Variants in RALGPS1 observed in about 807,000 individuals in gnomAD.
RALGPS1 encodes Ral GEF with PH domain and SH3 binding motif 1, also known as ras-specific guanine nucleotide-releasing factor RalGPS1.
Under a neutral mutation model 78.8 loss-of-function variants are expected in RALGPS1, and 19 were observed. The ratio of observed to expected loss-of-function variants is 0.24; its 90% CI spans 0.17 to 0.35. The LOEUF (loss-of-function observed/expected upper bound fraction) is 0.35, where lower values mean the gene tolerates loss of function less well. RALGPS1 is among the 10% of genes least tolerant of loss of function. The pLI is 1.00. For synonymous variants in RALGPS1, 228 were observed against 256.3 expected (o/e 0.89, Z 1.06); for missense variants, 454 against 688.3 (o/e 0.66, Z 3.81).
Position 127,219,506 on chromosome 9 carries a change from A to T in RALGPS1, c.*737A>T, listed in dbSNP as rs971399310. 6 of 152,666 alleles carry T rather than the reference A, an allele frequency of 3.9e-5. No homozygotes were observed. The highest frequency in any genetic ancestry group is 1.4e-4 in the African/African-American group (6 of 41,444). 9.5% of individuals were successfully genotyped at this position (152,666 alleles called of 1,614,324 possible). A position where few individuals can be genotyped will look rare whatever the true frequency, so the allele number is the denominator to read the frequency against. ...TTTTCTGTTCCTATGGGTGCTATTC[A>T]TCTGGAAGGCCTGCTTCCAGGCCTC... On this transcript the variant is annotated 3_prime_UTR_variant, in exon 19 of 19. Coordinates refer to ENST00000259351, the MANE Select transcript of RALGPS1 (RefSeq NM_014636.3). This position sits in a 1 kb window ranked among gnomAD's most constrained non-coding sequence, Gnocchi z 5.0.
chr9:127,036,019 A>T (rs7032057), intron 5 of RALGPS1, among the ~76,000 whole-genome samples: 3,406 of 152,254 alleles, frequency 0.022, 126 homozygotes, highest in African/African-American at 0.077. Context: ...CTCCCAGAGG[A>T]GGGTCTGCTG....
chr9:127,094,073 G>T, intron 8 of RALGPS1: 1 of 790,020 alleles, frequency 1.3e-6, no homozygotes, highest in Non-Finnish European at 1.9e-6. Flanking sequence ...TTTGTTTTGC[G>T]AGTTTAATAA....
chr9:127,013,830 G>A (rs1293131002), intron 4 of RALGPS1, among the ~76,000 whole-genome samples: 1 of 152,080 alleles, frequency 6.6e-6, no homozygotes, highest in African/African-American at 2.4e-5. Context: ...CTTCCCACAG[G>A]TCCTTGAACC....
chr9:127,163,157 G>A (rs528636379), intron 8 of RALGPS1, among the ~76,000 whole-genome samples: 46 of 152,270 alleles, frequency 3.0e-4, no homozygotes, highest in African/African-American at 6.3e-4. Flanking sequence ...TGCACATTGC[G>A]TCTGGAATAA....
chr9:127,218,770 GTC>G lies in RALGPS1; in HGVS notation c.*5_*6del. ...TGCAAACCTTATGTCATTTGAGTAA[GTC>G]TCTGCAGGACGTGGCATGACTTCAG... On this transcript the variant is annotated 3_prime_UTR_variant, in exon 19 of 19. Transcript: ENST00000259351. This position sits in a 1 kb window ranked among gnomAD's most constrained non-coding sequence, Gnocchi z 4.4. 1 of 1,613,990 alleles carries G rather than the reference GTC, an allele frequency of 6.2e-7. No individual in the cohort carries two copies. The highest frequency in any genetic ancestry group is 8.5e-7 in the Non-Finnish European group (1 of 1,179,822).
intron 4 of RALGPS1, chr9:126,989,838 C>T (rs1379203226): frequency 6.5e-6 from 10 of 1,542,656 alleles, no homozygotes; most frequent in African/African-American, 4.1e-5. Flanking sequence ...GGCTGGAGCT[C>T]GAGACCTTGA....
intron 1 of RALGPS1, among the ~76,000 whole-genome samples, chr9:126,939,533 G>C (rs760002191): frequency 2.0e-5 from 3 of 152,224 alleles, no homozygotes; most frequent in Non-Finnish European, 2.9e-5. Flanking sequence ...CTGAGCACCA[G>C]CTGTTGCTAT....
intron 8 of RALGPS1, among the ~76,000 whole-genome samples, chr9:127,107,589 A>C (rs2054341639): frequency 6.6e-6 from 1 of 152,248 alleles, no homozygotes; most frequent in African/African-American, 2.4e-5. Context: ...ATTCTCTTCT[A>C]TCTGCCAACA....
In RALGPS1 at chr9:127,052,910, C is replaced by T. The variant is rs778967112; in HGVS notation, c.454C>T (p.Pro152Ser). ...TGTGGTATCAGCATTACAAAGTGCT[C>T]CCATCTTCAGGCTGACAAAAACCTG... ...MSVVSALQSAPIFRLTKTWAL... is the reference protein window; with the variant it reads ...MSVVSALQSASIFRLTKTWAL... Residue 152 changes from proline to serine, a missense_variant, in exon 7 of 19, where the codon CCC (proline) becomes TCC (serine). Transcript: ENST00000259351. The T allele has an allele frequency of 2.5e-6, 4 of 1,608,858 alleles. No individual in the cohort carries two copies. The highest frequency in any genetic ancestry group is 3.4e-6 in the Non-Finnish European group (4 of 1,175,234).
intron 5 of RALGPS1, among the ~76,000 whole-genome samples, chr9:127,038,935 T>G (rs1326198219): frequency 6.6e-6 from 1 of 152,186 alleles, no homozygotes; most frequent in Non-Finnish European, 1.5e-5. Flanking sequence ...AAGAGGGTCC[T>G]CTTTTGGTAT....
At chr9:127,077,500 C>T (rs953554455) in intron 8 of RALGPS1, among the ~76,000 whole-genome samples, 5 of 152,196 alleles carry the variant, frequency 3.3e-5, no homozygotes, top group South Asian at 2.1e-4. Flanking sequence ...GCCAAGGATG[C>T]GGCAGAGCTG....
intron 4 of RALGPS1, chr9:126,989,876 C>T: frequency 6.5e-7 from 1 of 1,550,064 alleles, no homozygotes; most frequent in Non-Finnish European, 8.7e-7. Context: ...TCTGTTGGGT[C>T]CTTTTCTGGT....
At chr9:126,962,384 G>A (rs2038975664) in intron 2 of RALGPS1, 38 bp downstream of exon 2, 1 of 1,609,414 alleles carries the variant, frequency 6.2e-7, no homozygotes, top group Non-Finnish European at 8.5e-7. Flanking sequence ...TGGGTAGAGG[G>A]GTCTCCTTTC....
At chr9:127,164,695 A>G (rs909979307) in intron 8 of RALGPS1, among the ~76,000 whole-genome samples, 6 of 151,336 alleles carry the variant, frequency 4.0e-5, no homozygotes, top group Admixed American at 3.3e-4. Flanking sequence ...ATGCACCACC[A>G]TGGCCAGCTA....
At position 127,218,555 on chromosome 9, in the gene RALGPS1, G is replaced by A. The variant is rs1314584507; in HGVS notation, c.1645-185G>A. Among the ~76,000 whole-genome samples, 3 of 152,296 alleles carry A rather than the reference G, an allele frequency of 2.0e-5. No homozygotes were observed. The highest frequency in any genetic ancestry group is 1.9e-4 in the East Asian group (1 of 5,184). On this transcript the variant is annotated intron_variant, in intron 18 of 18. Coordinates refer to ENST00000259351, the MANE Select transcript of RALGPS1 (RefSeq NM_014636.3). The surrounding 1 kb of genome is among the most constrained non-coding windows in gnomAD (Gnocchi z 4.4). ...ACGCAGTGCATGCGGTGGATTCAGAGCAGTGCCTGGCACGCAGCTGCCACT... is the reference window on the plus strand; with the variant it reads ...ACGCAGTGCATGCGGTGGATTCAGAACAGTGCCTGGCACGCAGCTGCCACT...
chr9:127,177,177 T>C lies in RALGPS1; in HGVS notation c.910+2395T>C, dbSNP rs73668491. Among the ~76,000 whole-genome samples, 167 of 147,602 alleles carry C rather than the reference T, an allele frequency of 1.1e-3. 2 individuals are homozygous for C. Among genetic ancestry groups the C allele is most frequent in the African/African-American group, 4.0e-3 (161 of 40,418 alleles). ...TCGTAGGGTTTTTGGAGGAGAGGGA[T>C]GGATGGGTGAGTGGGTGGGTGGGTG... On this transcript the variant is annotated intron_variant, in intron 11 of 18. Transcript: ENST00000259351.
chr9:127,208,680 C>T (rs2062068114), intron 14 of RALGPS1, among the ~76,000 whole-genome samples: 1 of 152,172 alleles, frequency 6.6e-6, no homozygotes, highest in Non-Finnish European at 1.5e-5. Context: ...CCAGAGACCC[C>T]TGGTGTCCCT....
intron 11 of RALGPS1, among the ~76,000 whole-genome samples, chr9:127,176,261 G>A (rs1322757658): frequency 2.0e-5 from 3 of 152,168 alleles, no homozygotes; most frequent in Admixed American, 6.5e-5. Flanking sequence ...TCCATATGTG[G>A]CAGGTGACCC....
At position 126,997,750 on chromosome 9, in the gene RALGPS1, T is replaced by C. The variant is rs555444876; in HGVS notation, c.216+20005T>C. Among the ~76,000 whole-genome samples, 324 of 152,226 alleles carry C rather than the reference T, an allele frequency of 2.1e-3. 4 individuals are homozygous for C. The highest frequency in any genetic ancestry group is 7.1e-3 in the Admixed American group (109 of 15,294). On this transcript the variant is annotated intron_variant, in intron 4 of 18. Coordinates refer to ENST00000259351, the MANE Select transcript of RALGPS1 (RefSeq NM_014636.3). The stretch of plus-strand genomic sequence containing the variant: ...CAAAAGAACAAAGCTGGAGGCATCA[T>C]GCTACCTGACTTCAAACTATACTAC...
Sources: gnomAD v4.1 joint callset for allele counts (sites outside exome capture counted in the v4.1 genomes callset) on GRCh38, gnomAD v4.1.1 for gene constraint, Gnocchi (gnomAD v3.1) non-coding constraint, MANE v1.5 for transcripts, NCBI Gene and HGNC (gene_info 2026-07-23, HGNC 2026-07-21) for gene names.